RAP1GAP2: variants seen among roughly 807,000 people sequenced by gnomAD.
RAP1GAP2 encodes RAP1 GTPase activating protein 2, also known as rap1 GTPase-activating protein 2.
In RAP1GAP2, 27 loss-of-function variants were observed where a neutral mutation model predicts 95.0. The ratio of observed to expected loss-of-function variants is 0.28; its 90% CI spans 0.21 to 0.39. The LOEUF (loss-of-function observed/expected upper bound fraction) is 0.39, where lower values mean the gene tolerates loss of function less well. Among genes scored for constraint, RAP1GAP2 ranks in the 10% least tolerant of loss-of-function variants. The pLI is 1.00. For missense variants in RAP1GAP2, 771 were observed against 970.0 expected (o/e 0.79, Z 2.72); for synonymous variants, 373 against 380.9 (o/e 0.98, Z 0.24).
At chr17:3,024,439 C>G (rs910762303) in intron 19 of RAP1GAP2, among the ~76,000 whole-genome samples, 23 of 152,294 alleles carry the variant, frequency 1.5e-4, no homozygotes, top group African/African-American at 5.3e-4. Context: ...TTGTTCATTG[C>G]TGGTGGGAAT....
At chr17:2,953,923 A>G (rs1459650762) in intron 3 of RAP1GAP2, among the ~76,000 whole-genome samples, 1 of 152,204 alleles carries the variant, frequency 6.6e-6, no homozygotes, top group Non-Finnish European at 1.5e-5. Flanking sequence ...AACCACCATC[A>G]TAATCAGTTT....
At chr17:2,836,000 C>T (rs984385758) in intron 2 of RAP1GAP2, among the ~76,000 whole-genome samples, 5 of 152,116 alleles carry the variant, frequency 3.3e-5, no homozygotes, top group African/African-American at 1.2e-4. Flanking sequence ...CCCCAGCCAG[C>T]CACTGGCGGG....
chr17:2,781,843 C>G (rs892951916), intron 1 of RAP1GAP2, among the ~76,000 whole-genome samples: 14 of 139,152 alleles, frequency 1.0e-4, no homozygotes, highest in Non-Finnish European at 6.1e-5. Flanking sequence ...TGTGTGGGCA[C>G]GTCTCTGTGT....
In RAP1GAP2 at chr17:2,905,385, C is replaced by T; in HGVS notation, c.165+17C>T. 1 of 1,610,558 alleles carries T rather than the reference C, an allele frequency of 6.2e-7. No individual in the cohort carries two copies. Among genetic ancestry groups the T allele is most frequent in the Non-Finnish European group, 8.5e-7 (1 of 1,177,326 alleles). ...ACCATGAAGGTAAGAGGCTTCGATT[C>T]AGGAAGGCAGGGAGGGGAGAGTGTG... On this transcript the variant is annotated intron_variant, in intron 3 of 24. Coordinates refer to ENST00000254695, the MANE Select transcript of RAP1GAP2 (RefSeq NM_015085.5).
chr17:2,834,827 C>G (rs1017907661), intron 2 of RAP1GAP2, among the ~76,000 whole-genome samples: 2 of 152,044 alleles, frequency 1.3e-5, no homozygotes, highest in African/African-American at 4.8e-5. Flanking sequence ...TCATCTGGTC[C>G]TCTGCCTCAG....
chr17:3,025,664 C>T (rs2047086841), intron 19 of RAP1GAP2, among the ~76,000 whole-genome samples: 1 of 152,154 alleles, frequency 6.6e-6, no homozygotes, highest in South Asian at 2.1e-4. Context: ...CTGCTCCATT[C>T]CCCACGGGGC....
chr17:2,908,516 G>A (rs2042273343), intron 3 of RAP1GAP2, among the ~76,000 whole-genome samples: 1 of 152,078 alleles, frequency 6.6e-6, no homozygotes, highest in Admixed American at 6.6e-5. Flanking sequence ...AGCCTGACTC[G>A]GAGGGGCCGG....
chr17:2,809,329 C>T (rs1468630741), intron 2 of RAP1GAP2, among the ~76,000 whole-genome samples: 1 of 152,252 alleles, frequency 6.6e-6, no homozygotes, highest in Admixed American at 6.5e-5. Flanking sequence ...GGGGCTTTGC[C>T]TATTCACGGA....
At chr17:2,954,326 G>A (rs904705458) in intron 3 of RAP1GAP2, among the ~76,000 whole-genome samples, 2 of 151,842 alleles carry the variant, frequency 1.3e-5, no homozygotes, top group Admixed American at 6.6e-5. Context: ...GGATGGTCTC[G>A]ATCTCCTGAC....
chr17:2,944,064 G>T (rs911084735), intron 3 of RAP1GAP2, among the ~76,000 whole-genome samples: 1 of 150,686 alleles, frequency 6.6e-6, no homozygotes, highest in African/African-American at 2.4e-5. Flanking sequence ...CAGGAGAATC[G>T]CTTGAACCCA....
chr17:2,983,812 T>C (rs375778614), intron 10 of RAP1GAP2, among the ~76,000 whole-genome samples: 37 of 152,324 alleles, frequency 2.4e-4, no homozygotes, highest in African/African-American at 7.9e-4. Flanking sequence ...GAATCCCTCC[T>C]TTTTATTGCT....
intron 2 of RAP1GAP2, among the ~76,000 whole-genome samples, chr17:2,873,316 A>G (rs1338041481): frequency 6.8e-6 from 1 of 147,946 alleles, no homozygotes; most frequent in African/African-American, 2.5e-5. Flanking sequence ...AAAAAAAAAA[A>G]AAAAAAAAAT....
At chr17:3,022,839 A>G (rs1027873806) in intron 19 of RAP1GAP2, among the ~76,000 whole-genome samples, 17 of 152,214 alleles carry the variant, frequency 1.1e-4, no homozygotes, top group South Asian at 2.1e-4. Flanking sequence ...CATTTCCCCA[A>G]TGTTTTCTTT....
chr17:2,858,768 C>A (rs1273797616), intron 2 of RAP1GAP2, among the ~76,000 whole-genome samples: 2 of 152,066 alleles, frequency 1.3e-5, no homozygotes, highest in African/African-American at 4.8e-5. Context: ...AAAAACATAG[C>A]TGAGCATGGT....
rs553096907 is a variant in RAP1GAP2 at position 2,922,309 on chromosome 17, C to T, written c.165+16941C>T. Among the ~76,000 whole-genome samples the T allele has an allele frequency of 1.2e-4, 18 of 152,334 alleles. No homozygotes were observed. In the South Asian group the frequency reaches 3.7e-3, roughly 32 times the overall value. On this transcript the variant is annotated intron_variant, in intron 3 of 24. Transcript: ENST00000254695. ...GGAACCTTTATTACCTGGTCACCTC[C>T]CTAGGCCTTGCCTTCTAATTCCATC... is the stretch of plus-strand genomic sequence containing the variant.
intron 2 of RAP1GAP2, among the ~76,000 whole-genome samples, chr17:2,891,583 C>T (rs1163652653): frequency 1.3e-5 from 2 of 151,312 alleles, no homozygotes; most frequent in Non-Finnish European, 2.9e-5. Flanking sequence ...CTTCCAGAGC[C>T]CCCCCATCCT....
At chr17:2,909,151 A>G (rs735176) in intron 3 of RAP1GAP2, among the ~76,000 whole-genome samples, 51,783 of 151,962 alleles carry the variant, frequency 0.34, 10,262 homozygotes, top group African/African-American at 0.56. Flanking sequence ...AGGATAGAGC[A>G]GGAAGAGAGG....
rs1567889611 is a variant in RAP1GAP2 at position 3,008,310 on chromosome 17, G to A, written c.1494+165G>A. On this transcript the variant is annotated intron_variant, in intron 17 of 24. Transcript: ENST00000254695. The surrounding 1 kb of genome is among the most constrained non-coding windows in gnomAD (Gnocchi z 4.2). Reference sequence around the variant, plus strand: ...GTGTTTGCAAAGGGCAGGGCCGTTAGGAAGTGTGTGAGGCTGGAGCAGCCA... The same window carrying A: ...GTGTTTGCAAAGGGCAGGGCCGTTAAGAAGTGTGTGAGGCTGGAGCAGCCA... 1.3e-5 allele frequency among the ~76,000 whole-genome samples: 2 copies of A among 152,214 alleles called. No individual in the cohort carries two copies. Among genetic ancestry groups the A allele is most frequent in the Non-Finnish European group, 2.9e-5 (2 of 68,044 alleles).
intron 1 of RAP1GAP2, among the ~76,000 whole-genome samples, chr17:2,785,507 ACTT>A (rs1490611183): frequency 2.6e-5 from 4 of 152,106 alleles, no homozygotes; most frequent in South Asian, 2.1e-4. Context: ...GACCTAAACT[ACTT>A]TTGTTATCTG....
Sources: allele counts gnomAD v4.1 joint callset (sites outside exome capture counted in the v4.1 genomes callset), GRCh38; gene constraint gnomAD v4.1.1; non-coding constraint Gnocchi (gnomAD v3.1); transcripts MANE v1.5; gene names NCBI Gene and HGNC (gene_info 2026-07-23, HGNC 2026-07-21).